Variants in NKD1 observed in about 807,000 individuals in gnomAD.
The protein encoded by NKD1 is protein naked cuticle homolog 1.
In NKD1, 21 loss-of-function variants were observed where a neutral mutation model predicts 56.0. That is an observed-to-expected ratio of 0.38 (90% CI 0.27 to 0.54). The LOEUF is 0.54. Ranked by LOEUF, NKD1 falls within the 20% of genes least tolerant of loss-of-function variation. The pLI, the probability that NKD1 is intolerant of heterozygous loss-of-function variation, is 0.82. For missense variants in NKD1, 578 were observed against 642.7 expected (o/e 0.90, Z 1.09); for synonymous variants, 263 against 265.7 (o/e 0.99, Z 0.10).
rs959813636 is a variant in NKD1, at chr16:50,640,891, C to A, written c.*7110C>A. 2.0e-5 allele frequency: 3 copies of A among 151,490 alleles called. No individual in the cohort carries two copies. Among genetic ancestry groups the A allele is most frequent in the African/African-American group, 4.8e-5 (2 of 41,284 alleles). The allele number at this position is 151,490 out of a possible 1,614,324, so 9.4% of individuals were successfully genotyped here. On this transcript the variant is annotated 3_prime_UTR_variant, in exon 10 of 10. Transcript: ENST00000268459. ...GTTGTCTTTGTTTTTGTTTTGTTTTCTTTCCTTGGAAATCAGTGAAAGTTT... is the reference window on the plus strand; with the variant it reads ...GTTGTCTTTGTTTTTGTTTTGTTTTATTTCCTTGGAAATCAGTGAAAGTTT...
intron 3 of NKD1, among the ~76,000 whole-genome samples, chr16:50,564,819 AT>A (rs1289240178): frequency 6.6e-6 from 1 of 151,936 alleles, no homozygotes; most frequent in Non-Finnish European, 1.5e-5. Context: ...AGTCGTACGC[AT>A]GGTTAAAAAA....
At position 50,589,689 on chromosome 16, in the gene NKD1, TTTCTTTTCTCTTCTCTTCTCTTCTC is replaced by T. The variant is rs1436026853; in HGVS notation, c.193-18600_193-18576del. Among the ~76,000 whole-genome samples the T allele has an allele frequency of 8.2e-4, 121 of 147,162 alleles. 4 individuals carry two copies. Among genetic ancestry groups the T allele is most frequent in the East Asian group, 2.8e-3 (13 of 4,606 alleles). ...TGGAGGCCTTTGCTGAATGCTTTCT[TTTCTTTTCTCTTCTCTTCTCTTCTC>T]TTCTCTTCTCTTCTCTTCTCTTCTC... On this transcript the variant is annotated intron_variant, in intron 3 of 9. Coordinates refer to ENST00000268459, the MANE Select transcript of NKD1 (RefSeq NM_033119.5).
At position 50,630,325 on chromosome 16, in the gene NKD1, A is replaced by T. The variant is rs760791820; in HGVS notation, c.602A>T (p.Asn201Ile). The change falls in exon 7 of 10, where the codon AAT becomes ATT. Residue 201 changes from asparagine (N) to isoleucine (I), a missense_variant. Physicochemically the swap from Asn to Ile is moderately radical, Grantham distance 149 (BLOSUM62 -3). Transcript: ENST00000268459. Reference sequence around the variant, plus strand: ...CAGAGCAAGAGGAGCGTCCTTGTCAATCAGGCTGGTGAGGGCTGCAGGGCT... The same window carrying T: ...CAGAGCAAGAGGAGCGTCCTTGTCATTCAGGCTGGTGAGGGCTGCAGGGCT... Reference protein sequence around the residue: ...GSQSKRSVLVNQADLQSARPR... With the variant: ...GSQSKRSVLVIQADLQSARPR... 2 of 1,613,978 alleles carry T rather than the reference A, an allele frequency of 1.2e-6. No homozygotes were observed. The highest frequency in any genetic ancestry group is 1.7e-6 in the Non-Finnish European group (2 of 1,180,012).
chr16:50,614,163 A>AC (rs764445160), intron 4 of NKD1, among the ~76,000 whole-genome samples: 28 of 152,200 alleles, frequency 1.8e-4, no homozygotes, highest in Non-Finnish European at 3.2e-4. Context: ...TGAGTGAATT[A>AC]CTGCTGTGGT....
intron 3 of NKD1, among the ~76,000 whole-genome samples, chr16:50,565,815 A>G (rs1159040225): frequency 4.6e-5 from 7 of 152,222 alleles, no homozygotes; most frequent in Non-Finnish European, 8.8e-5. Flanking sequence ...TATCTTGGAA[A>G]TCATTTCATA....
At position 50,633,324 on chromosome 16, in the gene NKD1, A is replaced by G. The variant is rs1330100179; in HGVS notation, c.956A>G (p.His319Arg). 4.3e-6 allele frequency: 7 copies of G among 1,613,844 alleles called. No individual in the cohort carries two copies. The highest frequency in any genetic ancestry group is 5.9e-6 in the Non-Finnish European group (7 of 1,179,914). The change falls in exon 10 of 10, where the codon CAC becomes CGC. Residue 319 changes from histidine (H) to arginine (R), a missense_variant. Transcript: ENST00000268459. The surrounding 1 kb of genome is among the most constrained non-coding windows in gnomAD (Gnocchi z 4.9). ...CAAGGCGTGGACCCGGCCTCCTTCCACTTCCTTGACACCCCAATCGCCAAG... is the reference window on the plus strand; with the variant it reads ...CAAGGCGTGGACCCGGCCTCCTTCCGCTTCCTTGACACCCCAATCGCCAAG... Reference protein sequence around the residue: ...KPQGVDPASFHFLDTPIAKVS... With the variant: ...KPQGVDPASFRFLDTPIAKVS...
In NKD1 at chr16:50,632,447, A is replaced by G. The variant is rs780144956; in HGVS notation, c.823+39A>G. 6.2e-7 allele frequency: 1 copy of G among 1,612,422 alleles called. No individual in the cohort carries two copies. On this transcript the variant is annotated intron_variant, in intron 9 of 9. Transcript: ENST00000268459. The surrounding 1 kb of genome is among the most constrained non-coding windows in gnomAD (Gnocchi z 4.1). ...GCACCCTGCAATGGGCGATGAGGGC[A>G]GGGCGTGGCTGGACGGGCCAGGCGG... is the stretch of plus-strand genomic sequence containing the variant.
At chr16:50,566,117 A>G in intron 3 of NKD1, 2 of 982,690 alleles carry the variant, frequency 2.0e-6, no homozygotes, top group Middle Eastern at 5.2e-4. Flanking sequence ...AAGCAGCTTC[A>G]GGGGGAGCTT....
At chr16:50,580,657 A>C (rs1385306582) in intron 3 of NKD1, among the ~76,000 whole-genome samples, 1 of 152,238 alleles carries the variant, frequency 6.6e-6, no homozygotes, top group African/African-American at 2.4e-5. Flanking sequence ...TTTTTTAAAC[A>C]ATTTGAGCCA....
intron 3 of NKD1, chr16:50,574,527 C>T (rs761276964): frequency 2.0e-6 from 2 of 985,410 alleles, no homozygotes; most frequent in South Asian, 4.7e-5. Flanking sequence ...GAGGCCCAGG[C>T]ACGGCCGAAT....
chr16:50,548,794 CACCGCG>C, intron 2 of NKD1, 45 bp downstream of exon 2: 1 of 1,353,692 alleles, frequency 7.4e-7, no homozygotes, highest in Non-Finnish European at 9.4e-7. Context: ...ACGCGGGGGA[CACCGCG>C]GCCGCGGCAG....
intron 5 of NKD1, among the ~76,000 whole-genome samples, chr16:50,624,794 C>T (rs1471955351): frequency 1.3e-5 from 2 of 152,198 alleles, no homozygotes; most frequent in Non-Finnish European, 2.9e-5. Context: ...GTTCCGTTGC[C>T]TCTGGGCATT....
At chr16:50,583,596 G>A (rs1961165334) in intron 3 of NKD1, among the ~76,000 whole-genome samples, 1 of 152,148 alleles carries the variant, frequency 6.6e-6, no homozygotes, top group African/African-American at 2.4e-5. Context: ...GTAAAATGAT[G>A]GTTTTAAGTC....
At chr16:50,621,735 TGAG>T (rs1962095837) in intron 5 of NKD1, 27 bp downstream of exon 5, 1 of 1,550,262 alleles carries the variant, frequency 6.5e-7, no homozygotes, top group Non-Finnish European at 8.9e-7. Flanking sequence ...TGCTGGGTCC[TGAG>T]GAGATGAGAT....
chr16:50,551,605 G>A (rs1285836972), intron 3 of NKD1, among the ~76,000 whole-genome samples: 1 of 152,196 alleles, frequency 6.6e-6, no homozygotes, highest in African/African-American at 2.4e-5. Flanking sequence ...GTCTGCAGAG[G>A]TAGGGATAAG....
chr16:50,639,864 T>G lies in NKD1; in HGVS notation c.*6083T>G, dbSNP rs1962546204. The G allele has an allele frequency of 6.6e-6, 1 of 152,288 alleles. No individual in the cohort carries two copies. Among genetic ancestry groups the G allele is most frequent in the Non-Finnish European group, 1.5e-5 (1 of 68,098 alleles). 9.4% of individuals were successfully genotyped at this position (152,288 alleles called of 1,614,324 possible). Reference sequence around the variant, plus strand: ...GGACTACGGTCTGAAATTAGGGAGATATGAATGTCTTTCTTGAAAACTTCT... The same window carrying G: ...GGACTACGGTCTGAAATTAGGGAGAGATGAATGTCTTTCTTGAAAACTTCT... On this transcript the variant is annotated 3_prime_UTR_variant, in exon 10 of 10. Coordinates refer to ENST00000268459, the MANE Select transcript of NKD1 (RefSeq NM_033119.5).
intron 6 of NKD1, among the ~76,000 whole-genome samples, chr16:50,627,402 G>GGA (rs1418331541): frequency 6.6e-6 from 1 of 152,194 alleles, no homozygotes; most frequent in Non-Finnish European, 1.5e-5. Context: ...TGAGAGGAAG[G>GGA]GAGAGAGGGT....
intron 3 of NKD1, among the ~76,000 whole-genome samples, chr16:50,586,207 A>G (rs192233524): frequency 2.4e-4 from 36 of 151,808 alleles, no homozygotes. Context: ...TTTCATTTTC[A>G]CCTCGTTCTT....
At position 50,607,508 on chromosome 16, in the gene NKD1, C is replaced by T. The variant is rs113128366; in HGVS notation, c.193-786C>T. The T allele has an allele frequency of 2.1e-3, 332 of 158,872 alleles. 1 individual carries two copies. Among genetic ancestry groups the T allele is most frequent in the African/African-American group, 7.3e-3 (304 of 41,586 alleles). 9.8% of individuals were successfully genotyped at this position (158,872 alleles called of 1,614,324 possible). ...ACCGCTACCATAGCATCATCATCCCCCAAACCCTTGTCTGTCCTCCCATAA... is the reference window on the plus strand; with the variant it reads ...ACCGCTACCATAGCATCATCATCCCTCAAACCCTTGTCTGTCCTCCCATAA... On this transcript the variant is annotated intron_variant, in intron 3 of 9. Coordinates refer to ENST00000268459, the MANE Select transcript of NKD1 (RefSeq NM_033119.5).
Sources: gnomAD v4.1 joint callset for allele counts (sites outside exome capture counted in the v4.1 genomes callset) on GRCh38, gnomAD v4.1.1 for gene constraint, Gnocchi (gnomAD v3.1) non-coding constraint, MANE v1.5 for transcripts, NCBI Gene and HGNC (gene_info 2026-07-23, HGNC 2026-07-21) for gene names.